SVIL: variants seen among roughly 807,000 people sequenced by gnomAD.
SVIL encodes archvillin.
A neutral mutation model predicts 240.4 loss-of-function variants in SVIL; 101 were observed. The observed-to-expected ratio is 0.42, with a 90% confidence interval of 0.36 to 0.50. The LOEUF is 0.50. Ranked by LOEUF, SVIL falls within the 20% of genes least tolerant of loss-of-function variation. The pLI, the probability that SVIL is intolerant of heterozygous loss-of-function variation, is 0.01. For missense variants in SVIL, 2,512 were observed against 2,818.7 expected, an observed-to-expected ratio of 0.89 and a Z score of 2.46; for synonymous variants, 999 against 1,100.0, an observed-to-expected ratio of 0.91 and a Z score of 1.82.
upstream of SVIL, among the ~76,000 whole-genome samples, chr10:29,639,520 A>G (rs1958418103): frequency 7.4e-6 from 1 of 134,284 alleles, no homozygotes; most frequent in Admixed American, 8.2e-5. Context: ...CCTAGGCTGG[A>G]GTGTAATGCA....
intron 1 of SVIL, among the ~76,000 whole-genome samples, chr10:29,707,056 T>C (rs1477665692): frequency 6.6e-6 from 1 of 152,236 alleles, no homozygotes; most frequent in Non-Finnish European, 1.5e-5. Flanking sequence ...GTAATATAGC[T>C]TGAAGTCAGG....
intron 32 of SVIL, among the ~76,000 whole-genome samples, chr10:29,468,715 G>A (rs1322739484): frequency 2.6e-5 from 4 of 151,734 alleles, no homozygotes; most frequent in Admixed American, 6.6e-5. Context: ...TCAGTTCACC[G>A]TCTCTTCTAC....
chr10:29,530,811 G>T (rs1372679550), intron 10 of SVIL, 143 bp from the exon 11 acceptor site: 1 of 906,546 alleles, frequency 1.1e-6, no homozygotes, highest in Non-Finnish European at 1.7e-6. Flanking sequence ...GTTTCCCCTT[G>T]CAGGGAGCCC....
At chr10:29,724,683 C>G (rs1470958803) in intron 1 of SVIL, among the ~76,000 whole-genome samples, 2 of 152,132 alleles carry the variant, frequency 1.3e-5, no homozygotes, top group African/African-American at 4.8e-5. Flanking sequence ...AGTTCATGTT[C>G]TATCAATTTT....
intron 2 of SVIL, among the ~76,000 whole-genome samples, chr10:29,565,720 T>G (rs1158224755): frequency 1.7e-5 from 2 of 120,556 alleles, no homozygotes; most frequent in Non-Finnish European, 3.6e-5. Context: ...CAAGATCCCA[T>G]CTCTAAAAAA....
intron 1 of SVIL, among the ~76,000 whole-genome samples, chr10:29,587,077 TCCGTAGAATAAG>T (rs1426833492): frequency 1.3e-5 from 2 of 152,308 alleles, no homozygotes; most frequent in Middle Eastern, 3.4e-3. Flanking sequence ...AAGTCCATAC[TCCGTAGAATAAG>T]CCCTGATACA....
intron 2 of SVIL, among the ~76,000 whole-genome samples, chr10:29,667,601 C>G (rs1338090422): frequency 3.9e-5 from 6 of 151,988 alleles, no homozygotes; most frequent in Non-Finnish European, 8.8e-5. Flanking sequence ...CCTGTAATCT[C>G]AACACTTTGG....
intron 17 of SVIL, 69 bp downstream of exon 17, chr10:29,512,666 C>T: frequency 6.2e-7 from 1 of 1,612,232 alleles, no homozygotes; most frequent in African/African-American, 1.3e-5. Flanking sequence ...GTGGCACACG[C>T]TTGTCTTTTT....
At position 29,532,634 on chromosome 10, in the gene SVIL, G is replaced by A. The variant is rs1237622594; in HGVS notation, c.1733C>T (p.Thr578Ile). ...RRELELPSSK[T>I]EGPYGEISML... ...GCTGATCTCCCCATAAGGCCCTTCG[G>A]TCTTGGAGCTGGGCAGCTCCAGCTC... Residue 578 changes from threonine to isoleucine, a missense_variant, in exon 8 of 38, where the codon ACC (threonine) becomes ATC (isoleucine). This residue lies in a region of SVIL where 1,443 missense variants were observed against 1,486.6 expected (regional missense o/e 0.97). Coordinates refer to ENST00000355867, the MANE Select transcript of SVIL (RefSeq NM_021738.3). 1 of 1,614,222 alleles carries A rather than the reference G, an allele frequency of 6.2e-7. No individual in the cohort carries two copies. Among genetic ancestry groups the A allele is most frequent in the Non-Finnish European group, 8.5e-7 (1 of 1,180,046 alleles).
In SVIL at chr10:29,480,541, C is replaced by T. The variant is rs146808407; in HGVS notation, c.5373G>A (p.Thr1791=). 370 of 1,612,060 alleles carry T rather than the reference C, an allele frequency of 2.3e-4. 3 individuals are homozygous for T. In the South Asian group the frequency reaches 2.9e-3, roughly 13 times the overall value. Residue 1791 remains threonine (T), a synonymous_variant, in exon 29 of 38, where the codon ACG becomes ACA. Transcript: ENST00000355867. ...YVVKWKFMVS[T]AVGSRQKGEH... is the part of the protein sequence containing the mutation. ...AAACCACAAGCGCTCACTAACCTGC[C>T]GTGCTCACCATGAACTTCCACTTGA...
intron 29 of SVIL, among the ~76,000 whole-genome samples, chr10:29,479,490 C>G (rs557411467): frequency 1.3e-5 from 2 of 152,338 alleles, no homozygotes; most frequent in East Asian, 3.9e-4. Flanking sequence ...CACAGCCCGG[C>G]TCTGCACAGC....
intron 3 of SVIL, chr10:29,643,940 A>G (rs761058322): frequency 2.9e-5 from 15 of 515,100 alleles, no homozygotes; most frequent in South Asian, 2.1e-4. Context: ...GTGGTTTATG[A>G]GTCCTGGCTC....
At chr10:29,621,336 C>T (rs1957630963) in intron 1 of SVIL, among the ~76,000 whole-genome samples, 2 of 152,210 alleles carry the variant, frequency 1.3e-5, no homozygotes, top group Non-Finnish European at 2.9e-5. Context: ...GGGAATTTCC[C>T]AACCAAAGCA....
chr10:29,667,060 G>C (rs1180044761), intron 2 of SVIL, among the ~76,000 whole-genome samples: 2 of 151,982 alleles, frequency 1.3e-5, no homozygotes, highest in Admixed American at 6.6e-5. Context: ...AGGTACTTTG[G>C]GAAACAGCCT....
intron 3 of SVIL, among the ~76,000 whole-genome samples, chr10:29,648,593 A>G (rs1270674393): frequency 6.6e-6 from 1 of 152,202 alleles, no homozygotes; most frequent in Non-Finnish European, 1.5e-5. Flanking sequence ...TTCTAAGAAA[A>G]GCCAACCAAA....
intron 29 of SVIL, among the ~76,000 whole-genome samples, chr10:29,479,220 C>G (rs1946561029): frequency 6.6e-6 from 1 of 152,174 alleles, no homozygotes; most frequent in African/African-American, 2.4e-5. Context: ...TGTGCTGGAG[C>G]CCCACTCTGA....
intron 1 of SVIL, among the ~76,000 whole-genome samples, chr10:29,721,894 A>G (rs149936866): frequency 6.6e-6 from 1 of 152,198 alleles, no homozygotes; most frequent in Non-Finnish European, 1.5e-5. Flanking sequence ...TCTGGCTTGC[A>G]GGCTAACCAG....
intron 17 of SVIL, among the ~76,000 whole-genome samples, chr10:29,503,412 G>A (rs1949047042): frequency 6.6e-6 from 1 of 152,188 alleles, no homozygotes; most frequent in African/African-American, 2.4e-5. Context: ...AAGAATTCAG[G>A]TTGAAGCCTG....
intron 3 of SVIL, among the ~76,000 whole-genome samples, chr10:29,557,095 C>T (rs933428270): frequency 1.3e-5 from 2 of 151,560 alleles, no homozygotes; most frequent in Non-Finnish European, 2.9e-5. Context: ...TTTCTTTTCT[C>T]CCCCCTCCCT....
Sources: allele counts gnomAD v4.1 joint callset (sites outside exome capture counted in the v4.1 genomes callset), GRCh38; gene constraint gnomAD v4.1.1; regional missense constraint gnomAD v4.1.1; transcripts MANE v1.5; gene names NCBI Gene and HGNC (gene_info 2026-07-23, HGNC 2026-07-21).